Variants in MROH2B observed in about 807,000 individuals in gnomAD.
MROH2B encodes maestro heat like repeat family member 2B.
MROH2B carries 177 observed loss-of-function variants against 208.6 expected under a neutral mutation model. That is an observed-to-expected ratio of 0.85 (90% confidence interval 0.75 to 0.96). The LOEUF is 0.96. Among genes scored for constraint, MROH2B ranks in the 40% least tolerant of loss-of-function variants. The pLI, the probability that MROH2B is intolerant of heterozygous loss-of-function variation, is 0.00. For missense variants in MROH2B, 2,002 were observed against 1,878.7 expected (o/e 1.07, Z -1.21); for synonymous variants, 728 against 659.0 (o/e 1.10, Z -1.60).
At chr5:41,055,414 G>A (rs571025245) in intron 10 of MROH2B, among the ~76,000 whole-genome samples, 9 of 152,204 alleles carry the variant, frequency 5.9e-5, no homozygotes, top group Non-Finnish European at 1.0e-4. Context: ...TCAATCTCTA[G>A]AGAATTGTGC....
chr5:41,047,860 T>C (rs1460439746), intron 16 of MROH2B, 96 bp from the exon 17 acceptor site: 2 of 1,027,324 alleles, frequency 1.9e-6, no homozygotes, highest in Non-Finnish European at 2.9e-6. Context: ...TGGAGTTCTA[T>C]TTTAAGCTTT....
rs1439545986 is a variant in MROH2B at position 41,000,314 on chromosome 5, A to C, written c.4388T>G (p.Leu1463Trp). The change falls in exon 39 of 42, where the codon TTG (leucine) becomes TGG (tryptophan). Residue 1463 changes from leucine to tryptophan, a missense_variant. Transcript: ENST00000399564. ...RDVLMVCIPFLGLQELYGVLD... is the reference protein window; with the variant it reads ...RDVLMVCIPFWGLQELYGVLD... ...TACCCCATAGAGCTCCTGGAGGCCC[A>C]AAAAGGGAATGCAGACCATCAAGAC... is the stretch of plus-strand genomic sequence containing the variant. The C allele has an allele frequency of 5.0e-6, 8 of 1,613,802 alleles. No homozygotes were observed. The highest frequency in any genetic ancestry group is 2.2e-5 in the East Asian group (1 of 44,876).
chr5:41,049,503 T>G, intron 13 of MROH2B, 67 bp from the exon 14 acceptor site: 1 of 1,513,352 alleles, frequency 6.6e-7, no homozygotes, highest in Non-Finnish European at 8.8e-7. Context: ...TGGTCCTCAC[T>G]GCATGTTTTT....
At chr5:41,048,117 T>C (rs1433779704) in intron 16 of MROH2B, 3 of 538,968 alleles carry the variant, frequency 5.6e-6, no homozygotes, top group Non-Finnish European at 9.1e-6. Context: ...CTAAGAATGT[T>C]ACCTACTAGG....
At chr5:41,034,762 C>G (rs1046508512) in intron 21 of MROH2B, among the ~76,000 whole-genome samples, 1 of 152,082 alleles carries the variant, frequency 6.6e-6, no homozygotes, top group African/African-American at 2.4e-5. Flanking sequence ...TTTCAGGGTA[C>G]AAAGTCAATG....
At chr5:41,033,990 A>T in intron 21 of MROH2B, 126 bp from the exon 22 acceptor site, 2 of 1,148,784 alleles carry the variant, frequency 1.7e-6, no homozygotes, top group African/African-American at 1.7e-5. Flanking sequence ...AGCCTTGCCA[A>T]GGGGGGTCTT....
rs1357048459 is a variant in MROH2B at position 41,057,296 on chromosome 5, C to G, written c.821G>C (p.Arg274Thr). ...CTGGAGTAAATTGATAAAGATGGAT[C>G]TTCTCAAGCTCCTTGGAAGGCCAAT... ...YDIGLPRSLR[R>T]SIFINLLQQI... The change falls in exon 8 of 42, where the codon AGA (arginine) becomes ACA (threonine). Residue 274 changes from arginine (R) to threonine (T), a missense_variant. Physicochemically the swap from Arg to Thr is moderately conservative, Grantham distance 71 (BLOSUM62 -1). Transcript: ENST00000399564. 2 of 1,597,656 alleles carry G rather than the reference C, an allele frequency of 1.3e-6. No homozygotes were observed. The highest frequency in any genetic ancestry group is 1.7e-6 in the Non-Finnish European group (2 of 1,171,386).
intron 12 of MROH2B, chr5:41,051,640 T>A (rs1258081029): frequency 6.6e-6 from 1 of 152,284 alleles, no homozygotes; most frequent in Non-Finnish European, 1.5e-5. Context: ...GTGTTTGGAA[T>A]TCATGCCCTC....
chr5:41,022,875 G>GGCTGTTCAGCAATATTC (rs1742203597), intron 24 of MROH2B, among the ~76,000 whole-genome samples: 1 of 152,138 alleles, frequency 6.6e-6, no homozygotes, highest in Admixed American at 6.5e-5. Flanking sequence ...CAGCAACATT[G>GGCTGTTCAGCAATATTC]GCTGTTCAGC....
intron 24 of MROH2B, among the ~76,000 whole-genome samples, chr5:41,031,471 C>G (rs987351982): frequency 2.0e-5 from 3 of 152,074 alleles, no homozygotes; most frequent in Admixed American, 1.3e-4. Flanking sequence ...CAAACCACAT[C>G]AAGGAAATAG....
At chr5:41,007,830 G>C (rs1741644865) in intron 33 of MROH2B, among the ~76,000 whole-genome samples, 1 of 152,214 alleles carries the variant, frequency 6.6e-6, no homozygotes, top group Non-Finnish European at 1.5e-5. Context: ...TGATGTAGTT[G>C]CTATTGTCTG....
chr5:41,057,730 C>A (rs896232306), intron 7 of MROH2B, among the ~76,000 whole-genome samples: 8 of 151,040 alleles, frequency 5.3e-5, no homozygotes, highest in African/African-American at 1.9e-4. Flanking sequence ...CTAATTTTTG[C>A]ATTTTTAGTA....
At chr5:41,012,813 T>C in intron 29 of MROH2B, 78 bp from the exon 30 acceptor site, 1 of 1,555,282 alleles carries the variant, frequency 6.4e-7, no homozygotes. Flanking sequence ...GCTGTTGTGG[T>C]TTGTTTTGGG....
At position 41,065,465 on chromosome 5, in the gene MROH2B, G is replaced by C. The variant is rs770729339; in HGVS notation, c.227C>G (p.Ala76Gly). The C allele has an allele frequency of 1.9e-6, 3 of 1,612,846 alleles. No individual in the cohort carries two copies. The highest frequency in any genetic ancestry group is 2.5e-6 in the Non-Finnish European group (3 of 1,179,496). ...AGCAAGAGACACCAAAACCTCACCA[G>C]CTAGCATTCTGATTTCTCTGAGCAT... is the stretch of plus-strand genomic sequence containing the variant. ...NNMLREIRML[A>G]GEVLVSLAAH... The change falls in exon 4 of 42, where the codon GCT becomes GGT. Residue 76 changes from alanine (A) to glycine (G), a missense_variant. Transcript: ENST00000399564.
intron 24 of MROH2B, among the ~76,000 whole-genome samples, chr5:41,030,089 T>TA (rs35124264): frequency 0.19 from 29,158 of 151,454 alleles, 3,104 homozygotes; most frequent in South Asian, 0.33. Flanking sequence ...CAGAATAAAT[T>TA]AAAAAAAATA....
intron 28 of MROH2B, among the ~76,000 whole-genome samples, chr5:41,016,058 G>A (rs547187445): frequency 2.8e-4 from 43 of 151,914 alleles, no homozygotes; most frequent in African/African-American, 9.5e-4. Flanking sequence ...ACCATTCTAT[G>A]GAAGGCAGCC....
intron 19 of MROH2B, among the ~76,000 whole-genome samples, chr5:41,040,255 T>A (rs1324410095): frequency 6.6e-6 from 1 of 152,222 alleles, no homozygotes; most frequent in Non-Finnish European, 1.5e-5. Flanking sequence ...TGGCAGTTCT[T>A]GTTTCACACT....
intron 16 of MROH2B, 79 bp from the exon 17 acceptor site, chr5:41,047,843 G>T: frequency 8.4e-7 from 1 of 1,195,944 alleles, no homozygotes; most frequent in Non-Finnish European, 1.2e-6. Context: ...CAGGCCTCCA[G>T]TGATACTGGA....
At position 41,050,971 on chromosome 5, in the gene MROH2B, A is replaced by G; in HGVS notation, c.1344+6T>C. 1 of 1,559,736 alleles carries G rather than the reference A, an allele frequency of 6.4e-7. No homozygotes were observed. Among genetic ancestry groups the G allele is most frequent in the Non-Finnish European group, 8.7e-7 (1 of 1,153,794 alleles). The stretch of plus-strand genomic sequence containing the variant: ...TAACTGTAAGTGGTGACAAAAGACC[A>G]CTTACCTGAGGCATTCCAATGACCA... On this transcript the variant is annotated splice_donor_region_variant and intron_variant, in intron 13 of 41. Coordinates refer to ENST00000399564, the MANE Select transcript of MROH2B (RefSeq NM_173489.5).
Sources: allele counts gnomAD v4.1 joint callset (sites outside exome capture counted in the v4.1 genomes callset), GRCh38; gene constraint gnomAD v4.1.1; transcripts MANE v1.5; gene names NCBI Gene and HGNC (gene_info 2026-07-23, HGNC 2026-07-21).